Variants in CARD8 observed in about 807,000 individuals in gnomAD.
CARD8 encodes the protein caspase recruitment domain-containing protein 8.
In CARD8, 38 loss-of-function variants were observed where a neutral mutation model predicts 53.2. The observed-to-expected ratio is 0.71, with a 90% CI of 0.55 to 0.94. The LOEUF (loss-of-function observed/expected upper bound fraction) is 0.94. Ranked by LOEUF, CARD8 falls within the 40% of genes least tolerant of loss-of-function variation. The probability of loss-of-function intolerance (pLI) is 0.00; values close to 1 mark genes in which losing one functional copy is unlikely to be tolerated. For synonymous variants in CARD8, 245 were observed against 244.9 expected (o/e 1.00, Z 0.00); for missense variants, 561 against 655.5 (o/e 0.86, Z 1.57).
chr19:48,207,013 C>T (rs1359259640), downstream of CARD8, among the ~76,000 whole-genome samples: 1 of 151,834 alleles, frequency 6.6e-6, no homozygotes, highest in African/African-American at 2.4e-5. Context: ...ACTAAAAATA[C>T]AAAAATTAGC....
intron 7 of CARD8, 116 bp from the exon 8 acceptor site, chr19:48,231,926 C>A: frequency 2.3e-6 from 2 of 870,622 alleles, no homozygotes; most frequent in Admixed American, 1.9e-5. Context: ...CGAATGAGAG[C>A]TGAGAGTGAC....
chr19:48,226,260 G>C (rs866358978), intron 10 of CARD8, among the ~76,000 whole-genome samples: 1 of 151,848 alleles, frequency 6.6e-6, no homozygotes, highest in African/African-American at 2.4e-5. Context: ...ACAGAGTTTC[G>C]TTCTGTTGCC....
chr19:48,231,560 C>A, intron 8 of CARD8, 100 bp downstream of exon 8: 1 of 1,236,754 alleles, frequency 8.1e-7, no homozygotes, highest in Non-Finnish European at 1.1e-6. Context: ...TCCTCCACCT[C>A]CCAAAGTGCC....
chr19:48,250,488 C>T (rs966293238), intron 1 of CARD8, among the ~76,000 whole-genome samples: 2 of 152,164 alleles, frequency 1.3e-5, no homozygotes, highest in African/African-American at 4.8e-5. Flanking sequence ...CTTTATTTGT[C>T]AGGGTCATCT....
Position 48,230,866 on chromosome 19 carries a change from C to CA in CARD8, c.682dup (p.Trp228LeufsTer9), listed in dbSNP as rs1600394857. ...ATCAAACAAGGGGCCGCCCACCAGCCACTGTTCATGGTGCTGCAGGTCCAG... is the reference window on the plus strand; with the variant it reads ...ATCAAACAAGGGGCCGCCCACCAGCCAACTGTTCATGGTGCTGCAGGTCCAG... On this transcript the variant is annotated frameshift_variant, in exon 9 of 14. Transcript: ENST00000651546. LOFTEE classifies it high-confidence loss of function. 3 of 1,614,214 alleles carry CA rather than the reference C, an allele frequency of 1.9e-6. No homozygotes were observed. The East Asian group carries it at 6.7e-5, about 36-fold the overall frequency.
chr19:48,224,362 C>T (rs1199718449), intron 10 of CARD8, among the ~76,000 whole-genome samples: 3 of 152,120 alleles, frequency 2.0e-5, no homozygotes, highest in African/African-American at 7.2e-5. Flanking sequence ...AGGCATGTAA[C>T]CAACACAAAA....
intron 1 of CARD8, among the ~76,000 whole-genome samples, chr19:48,252,531 C>T (rs1251755236): frequency 6.7e-6 from 1 of 149,574 alleles, no homozygotes; most frequent in Non-Finnish European, 1.5e-5. Context: ...CTTGCTCTGT[C>T]ACCCAGGCTG....
intron 3 of CARD8, among the ~76,000 whole-genome samples, chr19:48,241,783 C>T (rs1412006361): frequency 6.6e-6 from 1 of 152,182 alleles, no homozygotes; most frequent in African/African-American, 2.4e-5. Flanking sequence ...ATTACCTTCA[C>T]CGGCTCTGCT....
Position 48,219,000 on chromosome 19 carries a change from A to C in CARD8, c.1174T>G (p.Ser392Ala), listed in dbSNP as rs2039949946. Residue 392 changes from serine (S) to alanine (A), a missense_variant, in exon 12 of 14, where the codon TCC becomes GCC. Physicochemically the swap from Ser to Ala is moderately conservative, Grantham distance 99 (BLOSUM62 1). Transcript: ENST00000651546. ...LKVMPKELKL[S>A]YRSPGEIQHF... ...TGAATTTCTCCAGGGCTCCTGTAGG[A>C]CAATTTCAACTCCTAGAGGAAACAC... The C allele has an allele frequency of 6.8e-6, 11 of 1,614,132 alleles. No individual in the cohort carries two copies. The highest frequency in any genetic ancestry group is 9.3e-6 in the Non-Finnish European group (11 of 1,179,990).
chr19:48,231,915 T>C (rs1175716354), intron 7 of CARD8, 105 bp from the exon 8 acceptor site: 3 of 984,450 alleles, frequency 3.0e-6, no homozygotes, highest in African/African-American at 3.2e-5. Context: ...GATACAGATA[T>C]CGAATGAGAG....
rs751520956 is a variant in CARD8 at position 48,234,419 on chromosome 19, C to A, written c.334G>T (p.Gly112Trp). The A allele has an allele frequency of 4.3e-6, 7 of 1,612,470 alleles. No individual in the cohort carries two copies. Among genetic ancestry groups the A allele is most frequent in the Admixed American group, 3.4e-5 (2 of 59,470 alleles). ...TTTTCTTACCTGGGAATGTCCCCCCCAGATAGTTGACACTCAGGAACAGCA... is the reference window on the plus strand; with the variant it reads ...TTTTCTTACCTGGGAATGTCCCCCCAAGATAGTTGACACTCAGGAACAGCA... ...FRAVPECQLS[G>W]GDIPSVSEEQ... Residue 112 changes from glycine to tryptophan, a missense_variant, in exon 6 of 14, where the codon GGG becomes TGG. By Grantham distance (184) the Gly-to-Trp change is radical. Coordinates refer to ENST00000651546, the MANE Select transcript of CARD8 (RefSeq NM_001184900.3).
In CARD8 at chr19:48,210,384, T is replaced by G. The variant is rs747923854; in HGVS notation, c.*1326A>C. 2.0e-5 allele frequency: 3 copies of G among 152,012 alleles called. No individual in the cohort carries two copies. Among genetic ancestry groups the G allele is most frequent in the Non-Finnish European group, 4.4e-5 (3 of 67,984 alleles). The allele number at this position is 152,012 out of a possible 1,614,324, so 9.4% of individuals were successfully genotyped here. A position where few individuals can be genotyped will look rare whatever the true frequency, so the allele number is the denominator to read the frequency against. On this transcript the variant is annotated 3_prime_UTR_variant, in exon 14 of 14. Transcript: ENST00000651546. ...GAAGTGGAAATTTGCAGAACGAAATTTGGAAAATAATGAAGGAAGAGCAAC... is the reference window on the plus strand; with the variant it reads ...GAAGTGGAAATTTGCAGAACGAAATGTGGAAAATAATGAAGGAAGAGCAAC...
At chr19:48,248,252 T>C (rs777670038) in intron 3 of CARD8, among the ~76,000 whole-genome samples, 29 of 152,268 alleles carry the variant, frequency 1.9e-4, no homozygotes, top group African/African-American at 4.3e-4. Flanking sequence ...CCTGCACGTA[T>C]TGCCTGTAGC....
intron 6 of CARD8, 170 bp downstream of exon 6, chr19:48,234,233 T>C: frequency 1.6e-6 from 1 of 624,892 alleles, no homozygotes; most frequent in East Asian, 3.0e-5. Context: ...GAAAACCTCA[T>C]TGCTTAAGGT....
At chr19:48,239,453 C>G (rs1344014010) in intron 4 of CARD8, among the ~76,000 whole-genome samples, 1 of 149,580 alleles carries the variant, frequency 6.7e-6, no homozygotes, top group Non-Finnish European at 1.5e-5. Flanking sequence ...GCCAGATCAT[C>G]TGTCTCAGTC....
At position 48,230,447 on chromosome 19, in the gene CARD8, C is replaced by T. The variant is rs2042629408; in HGVS notation, c.1026G>A (p.Leu342=). Residue 342 remains leucine (L), a synonymous_variant, in exon 10 of 14, where the codon TTG becomes TTA. Transcript: ENST00000651546. The part of the protein sequence containing the change: ...FHLYLVPSDA[L]LTKAIDDEED... ...AAATCACTCAGCTTACCTTTGTTAGCAAGGCGTCGCTGGGGACAAGGTACA... is the reference window on the plus strand; with the variant it reads ...AAATCACTCAGCTTACCTTTGTTAGTAAGGCGTCGCTGGGGACAAGGTACA... 6.2e-7 allele frequency: 1 copy of T among 1,604,036 alleles called. No individual in the cohort carries two copies. Among genetic ancestry groups the T allele is most frequent in the Non-Finnish European group, 8.5e-7 (1 of 1,174,120 alleles).
intron 3 of CARD8, among the ~76,000 whole-genome samples, chr19:48,244,990 G>T (rs571396020): frequency 1.3e-5 from 2 of 152,278 alleles, no homozygotes; most frequent in East Asian, 3.9e-4. Flanking sequence ...TGGACACTAT[G>T]AAATCATTCC....
intron 3 of CARD8, among the ~76,000 whole-genome samples, chr19:48,248,242 C>G (rs1319057211): frequency 6.6e-6 from 1 of 152,124 alleles, no homozygotes; most frequent in African/African-American, 2.4e-5. Context: ...TATAGCCTTG[C>G]CTGCACGTAT....
chr19:48,225,574 C>T (rs1043954310), intron 10 of CARD8, among the ~76,000 whole-genome samples: 1 of 151,958 alleles, frequency 6.6e-6, no homozygotes, highest in Non-Finnish European at 1.5e-5. Context: ...TAGGCAAAGA[C>T]TAGAAAGAGA....
Sources: allele counts gnomAD v4.1 joint callset (sites outside exome capture counted in the v4.1 genomes callset), GRCh38; gene constraint gnomAD v4.1.1; transcripts MANE v1.5; gene names NCBI Gene and HGNC (gene_info 2026-07-23, HGNC 2026-07-21).